The following FOXO1 variants were observed in gnomAD, a reference collection of about 807,000 sequenced individuals.
FOXO1 encodes the protein forkhead box protein O1.
FOXO1 carries 6 observed loss-of-function variants against 44.1 expected under a neutral mutation model. That is an observed-to-expected ratio of 0.14 (90% CI 0.07 to 0.27). The LOEUF (loss-of-function observed/expected upper bound fraction) is 0.27, where lower values mean the gene tolerates loss of function less well. Among genes scored for constraint, FOXO1 ranks in the 10% least tolerant of loss-of-function variants. The pLI, the probability that FOXO1 is intolerant of heterozygous loss-of-function variation, is 1.00. For synonymous variants in FOXO1, 380 were observed against 362.7 expected, an observed-to-expected ratio of 1.05 and a Z score of -0.54; for missense variants, 737 against 888.8, an observed-to-expected ratio of 0.83 and a Z score of 2.17.
intron 1 of FOXO1, among the ~76,000 whole-genome samples, chr13:40,584,253 C>T (rs2701868): frequency 0.099 from 15,099 of 151,760 alleles, 968 homozygotes; most frequent in East Asian, 0.25. Flanking sequence ...TCCACATATA[C>T]CTCCAAGGCA....
At chr13:40,651,692 T>C (rs1391676192) in intron 1 of FOXO1, among the ~76,000 whole-genome samples, 1 of 151,108 alleles carries the variant, frequency 6.6e-6, no homozygotes, top group Non-Finnish European at 1.5e-5. Context: ...ATTTATAACA[T>C]AAATATACAT....
intron 1 of FOXO1, among the ~76,000 whole-genome samples, chr13:40,634,317 T>C (rs1196270691): frequency 6.6e-6 from 1 of 152,212 alleles, no homozygotes; most frequent in Non-Finnish European, 1.5e-5. Flanking sequence ...CACAACTGCA[T>C]ACAAGAAAAT....
In FOXO1 at chr13:40,560,424, G is replaced by A. The variant is rs780271950; in HGVS notation, c.1067C>T (p.Ala356Val). The A allele has an allele frequency of 1.2e-6, 2 of 1,614,188 alleles. No homozygotes were observed. Among genetic ancestry groups the A allele is most frequent in the East Asian group, 2.2e-5 (1 of 44,890 alleles). Residue 356 changes from alanine (A) to valine (V), a missense_variant, in exon 2 of 3, where the codon GCC becomes GTC. Around this residue, in one of 7 missense-constraint regions of FOXO1, gnomAD observed 136 missense variants for 186.4 expected, o/e 0.73. Transcript: ENST00000379561. The surrounding 1 kb of genome is among the most constrained non-coding windows in gnomAD (Gnocchi z 5.1). Reference protein sequence around the residue: ...MVYPPSAAKMASTLPSLSEIS... With the variant: ...MVYPPSAAKMVSTLPSLSEIS... ...CTCAGACAGACTGGGTAAAGTAGAG[G>A]CCATCTTTGCGGCAGATGGCGGGTA...
intron 1 of FOXO1, among the ~76,000 whole-genome samples, chr13:40,589,104 T>TA (rs1875278774): frequency 2.0e-5 from 3 of 150,948 alleles, no homozygotes; most frequent in Admixed American, 6.6e-5. Flanking sequence ...AGACTCTGTC[T>TA]AAAAAAAAAT....
intron 1 of FOXO1, among the ~76,000 whole-genome samples, chr13:40,617,640 A>G (rs56158801): frequency 0.035 from 5,275 of 152,138 alleles, 273 homozygotes; most frequent in African/African-American, 0.12. Context: ...CTCCTCTCCT[A>G]ACTATATTTG....
At chr13:40,614,816 G>A (rs1876364046) in intron 1 of FOXO1, among the ~76,000 whole-genome samples, 1 of 152,180 alleles carries the variant, frequency 6.6e-6, no homozygotes, top group Non-Finnish European at 1.5e-5. Flanking sequence ...AGGGCCCGCT[G>A]GATTTAAACT....
In FOXO1 at chr13:40,584,638, G is replaced by A. The variant is rs1047471083; in HGVS notation, c.631-23778C>T. Among the ~76,000 whole-genome samples, 7 of 152,236 alleles carry A rather than the reference G, an allele frequency of 4.6e-5. No homozygotes were observed. In the South Asian group the frequency reaches 1.2e-3, roughly 27 times the overall value. On this transcript the variant is annotated intron_variant, in intron 1 of 2. Transcript: ENST00000379561. ...CACTCCAGCCAGGGGGGCAAAGTGAGACCCCATCTCAAACAAACATTATAT... is the reference window on the plus strand; with the variant it reads ...CACTCCAGCCAGGGGGGCAAAGTGAAACCCCATCTCAAACAAACATTATAT...
At position 40,666,415 on chromosome 13, in the gene FOXO1, C is replaced by T; in HGVS notation, c.-203G>A. On this transcript the variant is annotated 5_prime_UTR_variant, in exon 1 of 3. Transcript: ENST00000379561. The stretch of plus-strand genomic sequence containing the variant: ...CTTAACTTCGCGGGGCCATCCACAT[C>T]GAGGCTCCTCGGGGTCCGCCGCACG... 2.4e-6 allele frequency: 1 copy of T among 421,734 alleles called. No homozygotes were observed. Among genetic ancestry groups the T allele is most frequent in the Non-Finnish European group, 4.2e-6 (1 of 239,786 alleles). 26.1% of individuals were successfully genotyped at this position (421,734 alleles called of 1,614,324 possible).
chr13:40,642,607 C>T (rs1401248732), intron 1 of FOXO1, among the ~76,000 whole-genome samples: 2 of 152,254 alleles, frequency 1.3e-5, no homozygotes, highest in East Asian at 1.9e-4. Flanking sequence ...TAATTCCAGC[C>T]CTCTGTTCTT....
intron 1 of FOXO1, among the ~76,000 whole-genome samples, chr13:40,664,288 G>A (rs1163674738): frequency 3.9e-5 from 6 of 152,140 alleles, no homozygotes; most frequent in African/African-American, 9.7e-5. Flanking sequence ...GGGGAGGGAG[G>A]TGTTTAGCTC....
intron 1 of FOXO1, among the ~76,000 whole-genome samples, chr13:40,597,225 A>G (rs1220661009): frequency 6.6e-6 from 1 of 152,192 alleles, no homozygotes; most frequent in Non-Finnish European, 1.5e-5. Flanking sequence ...AATCACCACC[A>G]TAACCCCAGA....
chr13:40,646,593 G>A (rs1339776325), intron 1 of FOXO1, among the ~76,000 whole-genome samples: 1 of 152,030 alleles, frequency 6.6e-6, no homozygotes, highest in Non-Finnish European at 1.5e-5. Flanking sequence ...ATTCATTTTT[G>A]TTTTGTTTCG....
chr13:40,578,961 G>C (rs949271350), intron 1 of FOXO1, among the ~76,000 whole-genome samples: 1 of 152,188 alleles, frequency 6.6e-6, no homozygotes, highest in African/African-American at 2.4e-5. Flanking sequence ...TTTGGAAAAT[G>C]CTGATCTAAT....
At chr13:40,663,681 G>A (rs1358279619) in intron 1 of FOXO1, among the ~76,000 whole-genome samples, 1 of 152,208 alleles carries the variant, frequency 6.6e-6, no homozygotes, top group Non-Finnish European at 1.5e-5. Flanking sequence ...TGAACTTAAC[G>A]GTAAGAAGGC....
At chr13:40,639,258 A>T (rs1413122046) in intron 1 of FOXO1, among the ~76,000 whole-genome samples, 1 of 152,034 alleles carries the variant, frequency 6.6e-6, no homozygotes, top group Non-Finnish European at 1.5e-5. Context: ...GGATATGGAG[A>T]AGGTTCAAGA....
At chr13:40,639,668 C>A (rs1481349430) in intron 1 of FOXO1, among the ~76,000 whole-genome samples, 1 of 152,176 alleles carries the variant, frequency 6.6e-6, no homozygotes. Flanking sequence ...TTAGCAGCAC[C>A]CCTGATCTCT....
chr13:40,575,367 C>T (rs1874704995), intron 1 of FOXO1, among the ~76,000 whole-genome samples: 1 of 152,120 alleles, frequency 6.6e-6, no homozygotes, highest in African/African-American at 2.4e-5. Flanking sequence ...AGGACTGGAA[C>T]TGAACATGTC....
chr13:40,618,740 G>C, intron 1 of FOXO1: 2 of 433,244 alleles, frequency 4.6e-6, no homozygotes, highest in Non-Finnish European at 8.9e-6. Flanking sequence ...ATCTCAGGAT[G>C]AATCAGTCTA....
intron 1 of FOXO1, among the ~76,000 whole-genome samples, chr13:40,570,668 G>A (rs950246144): frequency 6.6e-6 from 1 of 152,168 alleles, no homozygotes; most frequent in Non-Finnish European, 1.5e-5. Flanking sequence ...ATTTCAGAAG[G>A]TAGTAATTAA....
Sources: allele counts gnomAD v4.1 joint callset (sites outside exome capture counted in the v4.1 genomes callset), GRCh38; gene constraint gnomAD v4.1.1; regional missense constraint gnomAD v4.1.1; non-coding constraint Gnocchi (gnomAD v3.1); transcripts MANE v1.5; gene names NCBI Gene and HGNC (gene_info 2026-07-23, HGNC 2026-07-21).